Variants in RBM6 observed in about 807,000 individuals in gnomAD.
The protein encoded by RBM6 is RNA-binding protein 6.
RBM6 carries 23 observed loss-of-function variants against 140.4 expected under a neutral mutation model. That is an observed-to-expected ratio of 0.16 (90% CI 0.12 to 0.23). The LOEUF is 0.23. Among genes scored for constraint, RBM6 ranks in the 10% least tolerant of loss-of-function variants. The probability of loss-of-function intolerance (pLI) is 1.00; values close to 1 mark genes in which losing one functional copy is unlikely to be tolerated. For missense variants in RBM6, 1,139 were observed against 1,386.7 expected (o/e 0.82, Z 2.84); for synonymous variants, 439 against 475.6 (o/e 0.92, Z 1.00).
intron 5 of RBM6, among the ~76,000 whole-genome samples, chr3:49,995,545 CAAA>C (rs762641031): frequency 2.5e-5 from 2 of 80,486 alleles, no homozygotes; most frequent in Non-Finnish European, 2.6e-5. Flanking sequence ...GACTCTGTCT[CAAA>C]AAAAAAAAAA....
chr3:50,034,993 T>TCC (rs1332075103), intron 6 of RBM6, among the ~76,000 whole-genome samples: 41 of 92,862 alleles, frequency 4.4e-4, no homozygotes, highest in East Asian at 1.6e-3. Flanking sequence ...TCCTCTCCTC[T>TCC]TCCCTCTCCT....
chr3:49,942,040 G>T (rs1458520279), intron 1 of RBM6, among the ~76,000 whole-genome samples: 1 of 150,914 alleles, frequency 6.6e-6, no homozygotes, highest in Non-Finnish European at 1.5e-5. Flanking sequence ...GGTAGAGGTT[G>T]TAGTAAGGGG....
intron 6 of RBM6, among the ~76,000 whole-genome samples, chr3:50,002,149 G>A (rs539259848): frequency 4.0e-5 from 6 of 151,872 alleles, no homozygotes; most frequent in South Asian, 2.1e-4. Flanking sequence ...GTGCAGTGGC[G>A]TAATCTTGGC....
chr3:50,016,053 A>G (rs1013913015), intron 6 of RBM6, among the ~76,000 whole-genome samples: 1 of 152,148 alleles, frequency 6.6e-6, no homozygotes, highest in African/African-American at 2.4e-5. Context: ...TCTGACTGAA[A>G]CTTTATACTC....
In RBM6 at chr3:49,972,140, A is replaced by G. The variant is rs2084823671; in HGVS notation, c.1405A>G (p.Lys469Glu). ...AAGTGGGGTACCTGAAGATGCCACA[A>G]AAGAAGAGGTAAGGCATGTCTTCTC... The part of the protein sequence containing the change: ...RLSGVPEDAT[K>E]EEILNAFRTP... The change falls in exon 4 of 21, where the codon AAA becomes GAA. Residue 469 changes from lysine to glutamate, a missense_variant. Coordinates refer to ENST00000266022, the MANE Select transcript of RBM6 (RefSeq NM_005777.3). 3 of 1,609,924 alleles carry G rather than the reference A, an allele frequency of 1.9e-6. No individual in the cohort carries two copies. Among genetic ancestry groups the G allele is most frequent in the African/African-American group, 1.3e-5 (1 of 74,830 alleles).
chr3:50,006,213 G>A lies in RBM6; in HGVS notation c.1557+6700G>A, dbSNP rs368731381. Among the ~76,000 whole-genome samples, 18 of 148,888 alleles carry A rather than the reference G, an allele frequency of 1.2e-4. No individual in the cohort carries two copies. In the East Asian group the frequency reaches 2.4e-3, roughly 20 times the overall value. On this transcript the variant is annotated intron_variant, in intron 6 of 20. Transcript: ENST00000266022. ...AGGCTGTAGCACAGAGGTGCTCACTGCAACCTCCGCCTCCTGGGTTCAAGT... is the reference window on the plus strand; with the variant it reads ...AGGCTGTAGCACAGAGGTGCTCACTACAACCTCCGCCTCCTGGGTTCAAGT...
At chr3:50,059,017 TC>T (rs2089832594) in intron 10 of RBM6, 1 of 154,080 alleles carries the variant, frequency 6.5e-6, no homozygotes, top group African/African-American at 2.4e-5. Flanking sequence ...GGTTTATTGT[TC>T]ATTCAGGTCA....
chr3:49,959,868 G>A (rs537413168), intron 1 of RBM6, among the ~76,000 whole-genome samples: 8 of 152,184 alleles, frequency 5.3e-5, no homozygotes, highest in Non-Finnish European at 2.9e-5. Context: ...CCCCACGCCC[G>A]GCCTAGGTCT....
intron 3 of RBM6, 96 bp downstream of exon 3, chr3:49,968,844 G>A (rs975287590): frequency 4.4e-6 from 6 of 1,356,918 alleles, no homozygotes; most frequent in African/African-American, 3.1e-5. Context: ...GCAGTGGTGC[G>A]ATCTCTGCTC....
intron 6 of RBM6, among the ~76,000 whole-genome samples, chr3:50,006,504 G>GACTACC (rs1231278955): frequency 6.6e-6 from 1 of 152,232 alleles, no homozygotes; most frequent in East Asian, 1.9e-4. Context: ...TCTGGAAGCA[G>GACTACC]ACTACCGGGG....
rs2086809709 is a variant in RBM6 at position 50,010,866 on chromosome 3, G to A, written c.1557+11353G>A. On this transcript the variant is annotated intron_variant, in intron 6 of 20. Coordinates refer to ENST00000266022, the MANE Select transcript of RBM6 (RefSeq NM_005777.3). Reference sequence around the variant, plus strand: ...TGCAGTGAGCTGAGATTGTACCACTGCACTCCAGCCTGGGCGACAGAGCAA... The same window carrying A: ...TGCAGTGAGCTGAGATTGTACCACTACACTCCAGCCTGGGCGACAGAGCAA... Among the ~76,000 whole-genome samples the A allele has an allele frequency of 4.3e-5, 5 of 115,520 alleles. No homozygotes were observed. In the Admixed American group the frequency reaches 6.5e-4, roughly 15 times the overall value. 75.8% of individuals were successfully genotyped at this position (115,520 alleles called of 152,430 possible). A position where few individuals can be genotyped will look rare whatever the true frequency, so the allele number is the denominator to read the frequency against.
At chr3:49,982,471 G>T (rs2085353782) in intron 5 of RBM6, among the ~76,000 whole-genome samples, 1 of 151,968 alleles carries the variant, frequency 6.6e-6, no homozygotes, top group Admixed American at 6.6e-5. Flanking sequence ...TTGGAGTGCA[G>T]TGACGTGATC....
chr3:49,947,162 G>A (rs1310925039), intron 1 of RBM6, among the ~76,000 whole-genome samples: 1 of 149,644 alleles, frequency 6.7e-6, no homozygotes, highest in East Asian at 2.0e-4. Context: ...TGAGGCAGAA[G>A]GATGGTGTGA....
At chr3:50,056,056 C>G (rs1461316894) in intron 8 of RBM6, among the ~76,000 whole-genome samples, 1 of 152,042 alleles carries the variant, frequency 6.6e-6, no homozygotes, top group African/African-American at 2.4e-5. Flanking sequence ...CTTAGGTGGG[C>G]TTTTGTCCTC....
intron 6 of RBM6, among the ~76,000 whole-genome samples, chr3:50,015,046 CAAAAAAAAAAAAA>C (rs71080566): frequency 1.9e-5 from 1 of 52,852 alleles, no homozygotes; most frequent in African/African-American, 8.5e-5. Context: ...GAGACTGTCT[CAAAAAAAAAAAAA>C]AAAAAAAAAA....
chr3:49,989,947 A>G (rs565356835), intron 5 of RBM6, among the ~76,000 whole-genome samples: 1 of 152,128 alleles, frequency 6.6e-6, no homozygotes, highest in East Asian at 1.9e-4. Context: ...AGGTTTCACC[A>G]TGTTGGCCAC....
chr3:50,054,969 G>A (rs1220298629), intron 8 of RBM6, among the ~76,000 whole-genome samples: 7 of 152,042 alleles, frequency 4.6e-5, no homozygotes, highest in African/African-American at 1.2e-4. Context: ...GACTATAGGC[G>A]CCCACCACCA....
chr3:50,063,704 C>T (rs867217071), intron 15 of RBM6, among the ~76,000 whole-genome samples: 1 of 151,874 alleles, frequency 6.6e-6, no homozygotes, highest in African/African-American at 2.4e-5. Context: ...AGTTTGAGAC[C>T]GCCTAGCCAA....
At chr3:50,009,825 G>C (rs958812053) in intron 6 of RBM6, among the ~76,000 whole-genome samples, 3 of 152,048 alleles carry the variant, frequency 2.0e-5, no homozygotes, top group African/African-American at 4.8e-5. Flanking sequence ...GACTCACAAA[G>C]TTCTGGAATT....
Sources: gnomAD v4.1 joint callset for allele counts (sites outside exome capture counted in the v4.1 genomes callset) on GRCh38, gnomAD v4.1.1 for gene constraint, MANE v1.5 for transcripts, NCBI Gene and HGNC (gene_info 2026-07-23, HGNC 2026-07-21) for gene names.